RAB38: variants seen among roughly 807,000 people sequenced by gnomAD.
RAB38 encodes RAB38, member RAS oncogene family.
A neutral mutation model predicts 18.4 loss-of-function variants in RAB38; 15 were observed. The ratio of observed to expected loss-of-function variants is 0.82; its 90% CI spans 0.55 to 1.26. The LOEUF is 1.26. Among genes scored for constraint, RAB38 ranks in the 50% most tolerant of loss-of-function variants. RAB38 has a pLI of 0.00. For missense variants in RAB38, 294 were observed against 267.4 expected, an observed-to-expected ratio of 1.10 and a Z score of -0.69; for synonymous variants, 101 against 104.4, an observed-to-expected ratio of 0.97 and a Z score of 0.20.
chr11:88,030,922 C>T, the RAB38 span, among the ~76,000 whole-genome samples: 2 of 151,024 alleles, frequency 1.3e-5, no homozygotes, highest in South Asian at 2.1e-4. Context: ...AGAGACACAA[C>T]CAAAAAAGAG....
chr11:87,874,429 T>C, the RAB38 span, among the ~76,000 whole-genome samples: 1 of 151,204 alleles, frequency 6.6e-6, no homozygotes, highest in African/African-American at 2.4e-5. Flanking sequence ...GCAAAGGACC[T>C]GAACAGATAC....
chr11:87,894,230 C>T, the RAB38 span, among the ~76,000 whole-genome samples: 2 of 151,412 alleles, frequency 1.3e-5, no homozygotes, highest in Non-Finnish European at 3.0e-5. Flanking sequence ...ATAGGACAGC[C>T]CCAGAACTAA....
chr11:88,044,786 CT>C, the RAB38 span, among the ~76,000 whole-genome samples: 1 of 152,030 alleles, frequency 6.6e-6, no homozygotes, highest in Non-Finnish European at 1.5e-5. Flanking sequence ...TCTAATCTTC[CT>C]TTTCTACAGA....
the RAB38 span, among the ~76,000 whole-genome samples, chr11:88,012,066 C>G: frequency 6.6e-6 from 1 of 152,172 alleles, no homozygotes; most frequent in African/African-American, 2.4e-5. Context: ...CCACCTTAAT[C>G]CTGGCCTGCC....
At chr11:87,863,208 A>T in the RAB38 span, among the ~76,000 whole-genome samples, 1 of 151,860 alleles carries the variant, frequency 6.6e-6, no homozygotes, top group African/African-American at 2.4e-5. Context: ...GCAAAATAAA[A>T]GCTTTGTGAC....
chr11:88,059,947 CTT>C, the RAB38 span, among the ~76,000 whole-genome samples: 1 of 152,214 alleles, frequency 6.6e-6, no homozygotes, highest in Non-Finnish European at 1.5e-5. Context: ...GCTCTAGACT[CTT>C]TAAAACAATC....
the RAB38 span, among the ~76,000 whole-genome samples, chr11:88,079,632 G>C: frequency 1.3e-5 from 2 of 151,734 alleles, no homozygotes; most frequent in African/African-American, 4.8e-5. Flanking sequence ...CATGGAAATA[G>C]ATGCAATAAT....
the RAB38 span, among the ~76,000 whole-genome samples, chr11:87,812,737 G>A: frequency 2.6e-5 from 4 of 152,262 alleles, no homozygotes; most frequent in Admixed American, 2.6e-4. Flanking sequence ...GTAAAACGCC[G>A]AAAGATTGAA....
chr11:87,968,177 T>G, the RAB38 span, among the ~76,000 whole-genome samples: 1 of 151,854 alleles, frequency 6.6e-6, no homozygotes, highest in African/African-American at 2.4e-5. Context: ...TTTTTTCTAT[T>G]GCACATTTTC....
At chr11:88,152,547 C>A (rs1943075937) in intron 1 of RAB38, among the ~76,000 whole-genome samples, 1 of 152,250 alleles carries the variant, frequency 6.6e-6, no homozygotes, top group South Asian at 2.1e-4. Flanking sequence ...CTGAGCCAGG[C>A]CACTTGGAAA....
At chr11:87,946,024 A>T in the RAB38 span, among the ~76,000 whole-genome samples, 1 of 152,176 alleles carries the variant, frequency 6.6e-6, no homozygotes, top group South Asian at 2.1e-4. Context: ...GAGAAAGTAA[A>T]TAACTTGCCC....
chr11:87,929,440 C>G, the RAB38 span, among the ~76,000 whole-genome samples: 1 of 151,744 alleles, frequency 6.6e-6, no homozygotes, highest in African/African-American at 2.4e-5. Context: ...TGTGGATATA[C>G]CCTAATTATT....
the RAB38 span, among the ~76,000 whole-genome samples, chr11:88,034,187 A>G: frequency 6.6e-6 from 1 of 152,290 alleles, no homozygotes; most frequent in African/African-American, 2.4e-5. Flanking sequence ...TTCACTCAGT[A>G]TATTTCCCTT....
At chr11:87,940,123 A>C in the RAB38 span, among the ~76,000 whole-genome samples, 1 of 151,904 alleles carries the variant, frequency 6.6e-6, no homozygotes, top group South Asian at 2.1e-4. Context: ...AATAAGAAAA[A>C]AATGTAACAG....
the RAB38 span, among the ~76,000 whole-genome samples, chr11:87,959,221 C>T: frequency 6.6e-6 from 1 of 152,202 alleles, no homozygotes; most frequent in Middle Eastern, 3.4e-3. Context: ...TAGGATATCT[C>T]CTGCCTCATT....
chr11:88,125,431 T>C (rs901279656), intron 2 of RAB38, among the ~76,000 whole-genome samples: 16 of 152,212 alleles, frequency 1.1e-4, no homozygotes, highest in African/African-American at 3.9e-4. Flanking sequence ...TGCTAACATC[T>C]AACTGATTGA....
intron 1 of RAB38, among the ~76,000 whole-genome samples, chr11:88,169,779 C>A (rs1220205737): frequency 6.6e-6 from 1 of 152,180 alleles, no homozygotes; most frequent in Non-Finnish European, 1.5e-5. Flanking sequence ...GAGGTGTGGA[C>A]AACATCTCTG....
At chr11:87,849,750 A>G in the RAB38 span, among the ~76,000 whole-genome samples, 1 of 152,196 alleles carries the variant, frequency 6.6e-6, no homozygotes, top group Admixed American at 6.6e-5. Context: ...AATAAAATTA[A>G]TGAGTCAAGT....
chr11:87,913,407 T>C, the RAB38 span, among the ~76,000 whole-genome samples: 1 of 152,176 alleles, frequency 6.6e-6, no homozygotes, highest in Non-Finnish European at 1.5e-5. Flanking sequence ...AGAAATATTT[T>C]GAATTTTGTA....
Sources: gnomAD v4.1 joint callset for allele counts (sites outside exome capture counted in the v4.1 genomes callset) on GRCh38, gnomAD v4.1.1 for gene constraint, MANE v1.5 for transcripts, NCBI Gene and HGNC (gene_info 2026-07-23, HGNC 2026-07-21) for gene names.